Variants in GAB2 observed in about 807,000 individuals in gnomAD.
GAB2 encodes GRB2-associated-binding protein 2.
Under a neutral mutation model 65.5 loss-of-function variants are expected in GAB2, and 26 were observed. The ratio of observed to expected loss-of-function variants is 0.40; its 90% CI spans 0.29 to 0.55. GAB2 has a LOEUF of 0.55. Ranked by LOEUF, GAB2 falls within the 20% of genes least tolerant of loss-of-function variation. GAB2 has a pLI of 0.53. For missense variants in GAB2, 884 were observed against 875.8 expected (o/e 1.01, Z -0.12); for synonymous variants, 321 against 329.6 (o/e 0.97, Z 0.28).
At chr11:78,414,543 T>C (rs1857169486) in intron 1 of GAB2, among the ~76,000 whole-genome samples, 1 of 152,206 alleles carries the variant, frequency 6.6e-6, no homozygotes, top group African/African-American at 2.4e-5. Flanking sequence ...TTAATAATTA[T>C]ATACATGTAC....
intron 1 of GAB2, among the ~76,000 whole-genome samples, chr11:78,291,561 C>CTTT (rs1163199130): frequency 8.0e-4 from 65 of 80,894 alleles, no homozygotes; most frequent in Non-Finnish European, 9.3e-4. Context: ...TTTTCTTTTT[C>CTTT]TTTTTTTTTT....
chr11:78,416,463 C>G (rs1441022777), intron 1 of GAB2, among the ~76,000 whole-genome samples: 1 of 152,222 alleles, frequency 6.6e-6, no homozygotes, highest in African/African-American at 2.4e-5. Flanking sequence ...TGCCTCTCCC[C>G]CCATGGACAG....
rs912140544 is a variant in GAB2, at chr11:78,216,056, A to C, written c.*3216T>G. 2.0e-5 allele frequency: 3 copies of C among 152,648 alleles called. No individual in the cohort carries two copies. Among genetic ancestry groups the C allele is most frequent in the Non-Finnish European group, 4.4e-5 (3 of 68,056 alleles). 9.5% of individuals were successfully genotyped at this position (152,648 alleles called of 1,614,324 possible). A position where few individuals can be genotyped will look rare whatever the true frequency, so the allele number is the denominator to read the frequency against. ...CTGGGGATAGGTACTGCCCACCCCA[A>C]TCCCCCAGAAAGAAGTTACAGAGGA... On this transcript the variant is annotated 3_prime_UTR_variant, in exon 10 of 10. Transcript: ENST00000361507.
At chr11:78,260,262 T>C (rs967020365) in intron 2 of GAB2, among the ~76,000 whole-genome samples, 5 of 152,146 alleles carry the variant, frequency 3.3e-5, no homozygotes, top group African/African-American at 1.2e-4. Context: ...AGTCAGAACA[T>C]CCTGACCTTG....
intron 2 of GAB2, among the ~76,000 whole-genome samples, chr11:78,275,111 C>T (rs940163051): frequency 4.6e-5 from 7 of 152,164 alleles, no homozygotes; most frequent in African/African-American, 1.7e-4. Context: ...AAAGCAGGTG[C>T]TGACATGAAG....
intron 1 of GAB2, among the ~76,000 whole-genome samples, chr11:78,384,910 T>G (rs139184679): frequency 1.3e-5 from 2 of 152,204 alleles, no homozygotes; most frequent in Non-Finnish European, 2.9e-5. Flanking sequence ...CCAGAGTTTA[T>G]TGACATTTGA....
chr11:78,221,895 A>C, intron 7 of GAB2, 116 bp from the exon 8 acceptor site: 1 of 708,808 alleles, frequency 1.4e-6, no homozygotes. Context: ...AGAGCTGCAC[A>C]CTCCATCAGA....
intron 6 of GAB2, among the ~76,000 whole-genome samples, 183 bp downstream of exon 6, chr11:78,223,229 G>A (rs1052675207): frequency 8.5e-5 from 13 of 152,100 alleles, no homozygotes; most frequent in African/African-American, 2.7e-4. Context: ...GCTCTCCTTT[G>A]CAGCAAACCT....
At chr11:78,356,182 G>C in intron 1 of GAB2, among the ~76,000 whole-genome samples, 1 of 123,058 alleles carries the variant, frequency 8.1e-6, no homozygotes, top group South Asian at 2.6e-4. Flanking sequence ...CAAAAAAAAA[G>C]AAAAAAAAAA....
chr11:78,277,928 T>G (rs1006590013), intron 2 of GAB2, among the ~76,000 whole-genome samples: 1 of 152,216 alleles, frequency 6.6e-6, no homozygotes, highest in African/African-American at 2.4e-5. Context: ...TGTCTCACTC[T>G]GCCTTATGCC....
intron 2 of GAB2, among the ~76,000 whole-genome samples, chr11:78,265,791 A>G (rs1216179351): frequency 6.6e-6 from 1 of 152,222 alleles, no homozygotes; most frequent in Non-Finnish European, 1.5e-5. Flanking sequence ...TATGAGTAAG[A>G]TGAGAATGTT....
At chr11:78,390,367 C>T (rs1856819299) in intron 1 of GAB2, among the ~76,000 whole-genome samples, 1 of 152,202 alleles carries the variant, frequency 6.6e-6, no homozygotes, top group African/African-American at 2.4e-5. Flanking sequence ...AGGAGGATCA[C>T]TTGAGCCCAG....
chr11:78,355,322 A>G (rs1856342494), intron 1 of GAB2, among the ~76,000 whole-genome samples: 1 of 152,232 alleles, frequency 6.6e-6, no homozygotes, highest in Non-Finnish European at 1.5e-5. Flanking sequence ...AATGATCACA[A>G]GAGCTCTCCC....
At chr11:78,241,838 C>T (rs2512518) in intron 3 of GAB2, among the ~76,000 whole-genome samples, 128,223 of 152,202 alleles carry the variant, frequency 0.84, 55,068 homozygotes, top group Non-Finnish European at 0.95. Flanking sequence ...CAGGGAGAGA[C>T]AGACTCTAAT....
chr11:78,300,249 T>A, intron 1 of GAB2, among the ~76,000 whole-genome samples: 1 of 151,146 alleles, frequency 6.6e-6, no homozygotes, highest in African/African-American at 2.5e-5. Context: ...ATGCACAACA[T>A]GAAGTTGTAA....
At chr11:78,398,137 T>A (rs1175847773) in intron 1 of GAB2, among the ~76,000 whole-genome samples, 1 of 152,184 alleles carries the variant, frequency 6.6e-6, no homozygotes, top group Non-Finnish European at 1.5e-5. Context: ...ACGTAAAACT[T>A]AGCACTTTCC....
At chr11:78,268,896 G>A (rs142117349) in intron 2 of GAB2, among the ~76,000 whole-genome samples, 172 of 152,282 alleles carry the variant, frequency 1.1e-3, no homozygotes, top group East Asian at 6.2e-3. Flanking sequence ...AAACATTTGC[G>A]AGGATTTTAT....
At chr11:78,306,166 A>G (rs1293225732) in intron 1 of GAB2, among the ~76,000 whole-genome samples, 1 of 152,206 alleles carries the variant, frequency 6.6e-6, no homozygotes, top group Non-Finnish European at 1.5e-5. Flanking sequence ...AAACTAGAAT[A>G]TAACCTGATT....
chr11:78,328,366 G>C (rs1412499954), intron 1 of GAB2, among the ~76,000 whole-genome samples: 1 of 152,142 alleles, frequency 6.6e-6, no homozygotes, highest in Non-Finnish European at 1.5e-5. Context: ...TTATGTGTAA[G>C]ACATTAATAA....
Sources: gnomAD v4.1 joint callset for allele counts (sites outside exome capture counted in the v4.1 genomes callset) on GRCh38, gnomAD v4.1.1 for gene constraint, MANE v1.5 for transcripts, NCBI Gene and HGNC (gene_info 2026-07-23, HGNC 2026-07-21) for gene names.